Variants in DLG2 observed in about 807,000 individuals in gnomAD.
DLG2 encodes the protein discs large MAGUK scaffold protein 2, also known as disks large homolog 2.
Under a neutral mutation model 132.5 loss-of-function variants are expected in DLG2, and 45 were observed. The ratio of observed to expected loss-of-function variants is 0.34; its 90% confidence interval spans 0.27 to 0.44. DLG2 has a LOEUF of 0.44. Ranked by LOEUF, DLG2 falls within the 20% of genes least tolerant of loss-of-function variation. DLG2 has a pLI of 1.00. For missense variants in DLG2, 1,045 were observed against 1,196.9 expected (o/e 0.87, Z 1.87); for synonymous variants, 424 against 419.6 (o/e 1.01, Z -0.13).
chr11:83,908,426 G>C (rs776764447), intron 15 of DLG2, among the ~76,000 whole-genome samples: 2 of 151,476 alleles, frequency 1.3e-5, no homozygotes, highest in African/African-American at 2.4e-5. Flanking sequence ...GATTATGACT[G>C]TCTTTTTTTC....
At chr11:83,899,656 T>C (rs1213251642) in intron 15 of DLG2, among the ~76,000 whole-genome samples, 1 of 147,372 alleles carries the variant, frequency 6.8e-6, no homozygotes, top group Non-Finnish European at 1.5e-5. Flanking sequence ...GAGACGTGCC[T>C]TTCACCTTCT....
rs961367117 is a variant in DLG2, at chr11:85,055,815, T to C, written c.357+55846A>G. 5.9e-5 allele frequency among the ~76,000 whole-genome samples: 9 copies of C among 151,996 alleles called. No individual in the cohort carries two copies. The East Asian group carries it at 1.7e-3, about 29-fold the overall frequency. On this transcript the variant is annotated intron_variant, in intron 6 of 27. Coordinates refer to ENST00000376104, the MANE Select transcript of DLG2 (RefSeq NM_001142699.3). ...GGTTCAGGGCCCACCAATAAGGAAT[T>C]AACTTGGTAAACATCTAAGGGTTAA... is the stretch of plus-strand genomic sequence containing the variant.
intron 7 of DLG2, among the ~76,000 whole-genome samples, chr11:84,303,083 C>T (rs1599454203): frequency 6.6e-6 from 1 of 152,168 alleles, no homozygotes; most frequent in Non-Finnish European, 1.5e-5. Context: ...TGCACTTCAG[C>T]CTGGGTGACA....
intron 6 of DLG2, among the ~76,000 whole-genome samples, chr11:84,567,373 G>A (rs1432512966): frequency 6.6e-6 from 1 of 152,128 alleles, no homozygotes; most frequent in Non-Finnish European, 1.5e-5. Flanking sequence ...TAGGGAAGAA[G>A]AAGTTATATT....
chr11:83,889,561 G>T (rs759522051), intron 15 of DLG2, among the ~76,000 whole-genome samples: 13 of 152,136 alleles, frequency 8.5e-5, no homozygotes, highest in Non-Finnish European at 1.8e-4. Flanking sequence ...ATTCCTCAGG[G>T]ATCTAGAACT....
At chr11:85,020,050 T>C (rs1330173767) in intron 6 of DLG2, among the ~76,000 whole-genome samples, 2 of 152,206 alleles carry the variant, frequency 1.3e-5, no homozygotes, top group African/African-American at 4.8e-5. Context: ...CACGCTGTCT[T>C]CCACAATGTT....
chr11:85,480,084 T>C (rs910034224), intron 3 of DLG2, among the ~76,000 whole-genome samples: 2 of 152,100 alleles, frequency 1.3e-5, no homozygotes, highest in Admixed American at 6.5e-5. Context: ...ACTTAAAAAA[T>C]TGGCAAATAA....
At chr11:84,796,560 G>A (rs1376173997) in intron 6 of DLG2, among the ~76,000 whole-genome samples, 1 of 152,092 alleles carries the variant, frequency 6.6e-6, no homozygotes, top group African/African-American at 2.4e-5. Context: ...ACTCCCTTTA[G>A]CATTTCTTGT....
chr11:85,556,611 C>A (rs1213967666), intron 3 of DLG2, among the ~76,000 whole-genome samples: 1 of 151,794 alleles, frequency 6.6e-6, no homozygotes, highest in East Asian at 1.9e-4. Context: ...TTTTATATAA[C>A]TAATTTACTT....
At chr11:83,629,606 C>T (rs1487515588) in intron 19 of DLG2, among the ~76,000 whole-genome samples, 1 of 152,120 alleles carries the variant, frequency 6.6e-6, no homozygotes, top group Non-Finnish European at 1.5e-5. Flanking sequence ...CTCCTAGTAG[C>T]ATTTATACAA....
chr11:83,752,110 T>C (rs1267412485), intron 18 of DLG2, among the ~76,000 whole-genome samples: 1 of 151,862 alleles, frequency 6.6e-6, no homozygotes, highest in Non-Finnish European at 1.5e-5. Context: ...CTACTAAAAA[T>C]AGAAAAAATC....
At chr11:83,973,580 C>A (rs939244060) in intron 12 of DLG2, among the ~76,000 whole-genome samples, 2 of 152,024 alleles carry the variant, frequency 1.3e-5, no homozygotes, top group African/African-American at 4.8e-5. Flanking sequence ...ATAGAATGAG[C>A]ACTACCACCA....
intron 15 of DLG2, among the ~76,000 whole-genome samples, chr11:83,884,584 A>G (rs1265724011): frequency 2.0e-5 from 3 of 152,194 alleles, no homozygotes; most frequent in Admixed American, 6.5e-5. Flanking sequence ...ACAGCTTTGA[A>G]GAGAGCAGTG....
At chr11:85,595,213 T>G (rs1286835188) in intron 3 of DLG2, among the ~76,000 whole-genome samples, 1 of 152,186 alleles carries the variant, frequency 6.6e-6, no homozygotes, top group African/African-American at 2.4e-5. Flanking sequence ...TAAATTAATT[T>G]GTAAAATATC....
At chr11:84,617,228 T>C (rs924832412) in intron 6 of DLG2, among the ~76,000 whole-genome samples, 2 of 151,670 alleles carry the variant, frequency 1.3e-5, no homozygotes, top group Admixed American at 1.3e-4. Context: ...AGTGAGGACA[T>C]GCAGTATTTG....
intron 7 of DLG2, among the ~76,000 whole-genome samples, chr11:84,453,734 G>T (rs1023887515): frequency 6.6e-6 from 1 of 151,640 alleles, no homozygotes; most frequent in Non-Finnish European, 1.5e-5. Context: ...GAAGTACCTT[G>T]TTGGGGGTTG....
intron 7 of DLG2, among the ~76,000 whole-genome samples, chr11:84,509,029 A>C (rs774624586): frequency 4.6e-5 from 7 of 152,258 alleles, no homozygotes; most frequent in Non-Finnish European, 7.3e-5. Flanking sequence ...AAACACAAGA[A>C]TTGGAAATCT....
At chr11:84,386,510 T>C (rs1328749053) in intron 7 of DLG2, among the ~76,000 whole-genome samples, 1 of 152,146 alleles carries the variant, frequency 6.6e-6, no homozygotes, top group East Asian at 1.9e-4. Flanking sequence ...GTCAGCTAAA[T>C]ATTTACTTCT....
intron 9 of DLG2, among the ~76,000 whole-genome samples, chr11:84,123,259 T>C (rs2094009233): frequency 6.6e-6 from 1 of 152,226 alleles, no homozygotes; most frequent in African/African-American, 2.4e-5. Context: ...ATAAAGCATC[T>C]GTAATGCACT....
Sources: gnomAD v4.1 joint callset for allele counts (sites outside exome capture counted in the v4.1 genomes callset) on GRCh38, gnomAD v4.1.1 for gene constraint, MANE v1.5 for transcripts, NCBI Gene and HGNC (gene_info 2026-07-23, HGNC 2026-07-21) for gene names.